The following CDH13 variants were observed in gnomAD, a reference collection of about 807,000 sequenced individuals.
CDH13 encodes the protein cadherin 13.
Under a neutral mutation model 63.8 loss-of-function variants are expected in CDH13, and 24 were observed. The observed-to-expected ratio is 0.38, with a 90% CI of 0.27 to 0.53. The LOEUF is 0.53. Ranked by LOEUF, CDH13 falls within the 20% of genes least tolerant of loss-of-function variation. The pLI, the probability that CDH13 is intolerant of heterozygous loss-of-function variation, is 0.85. For synonymous variants in CDH13, 503 were observed against 355.3 expected, an observed-to-expected ratio of 1.42 and a Z score of -4.67; for missense variants, 1,049 against 903.1, an observed-to-expected ratio of 1.16 and a Z score of -2.07.
At chr16:83,457,148 G>A (rs939325517) in intron 6 of CDH13, among the ~76,000 whole-genome samples, 2 of 152,172 alleles carry the variant, frequency 1.3e-5, no homozygotes, top group African/African-American at 4.8e-5. Flanking sequence ...CCACGTCCCT[G>A]GTATGACCTT....
chr16:83,457,215 G>A (rs566041823), intron 6 of CDH13, among the ~76,000 whole-genome samples: 29 of 152,256 alleles, frequency 1.9e-4, no homozygotes, highest in African/African-American at 6.3e-4. Context: ...GACACCTTAC[G>A]GTTGTTTTGG....
chr16:83,603,688 G>C (rs1398767039), intron 8 of CDH13, among the ~76,000 whole-genome samples: 1 of 152,128 alleles, frequency 6.6e-6, no homozygotes, highest in Non-Finnish European at 1.5e-5. Flanking sequence ...ACCCAGGGTG[G>C]CTTGAGACAG....
chr16:82,641,092 T>C (rs1909339347), intron 1 of CDH13, among the ~76,000 whole-genome samples: 1 of 152,186 alleles, frequency 6.6e-6, no homozygotes. Context: ...GTCACAGTCA[T>C]GGGAAACTGG....
At chr16:82,934,535 C>G (rs1567674729) in intron 2 of CDH13, among the ~76,000 whole-genome samples, 1 of 152,330 alleles carries the variant, frequency 6.6e-6, no homozygotes, top group East Asian at 1.9e-4. Flanking sequence ...CTCCTTGTTA[C>G]TTATGCAAAT....
intron 10 of CDH13, among the ~76,000 whole-genome samples, chr16:83,683,817 G>C (rs1904277668): frequency 6.6e-6 from 1 of 152,068 alleles, no homozygotes; most frequent in African/African-American, 2.4e-5. Flanking sequence ...TTTATGTCTA[G>C]GCAGTCAAAT....
chr16:83,215,449 T>C (rs1020648437), intron 4 of CDH13, among the ~76,000 whole-genome samples: 2 of 151,994 alleles, frequency 1.3e-5, no homozygotes, highest in Non-Finnish European at 2.9e-5. Context: ...ACATATGTAA[T>C]TGGTGTTTAG....
At chr16:83,733,612 T>C (rs920150666) in intron 10 of CDH13, among the ~76,000 whole-genome samples, 7 of 152,186 alleles carry the variant, frequency 4.6e-5, no homozygotes, top group African/African-American at 1.7e-4. Flanking sequence ...TTCTTGAAAG[T>C]GGCAATATCC....
chr16:82,634,113 G>A (rs1467651653), intron 1 of CDH13, among the ~76,000 whole-genome samples: 1 of 152,238 alleles, frequency 6.6e-6, no homozygotes, highest in East Asian at 1.9e-4. Flanking sequence ...GCTGAACGCA[G>A]CCCGGGCTGG....
intron 2 of CDH13, among the ~76,000 whole-genome samples, chr16:82,946,207 G>C (rs1203999670): frequency 1.3e-5 from 2 of 151,638 alleles, no homozygotes; most frequent in African/African-American, 2.4e-5. Flanking sequence ...TGGATGGATG[G>C]ATACATGGAT....
At chr16:83,210,963 C>G (rs571731426) in intron 4 of CDH13, among the ~76,000 whole-genome samples, 1 of 151,708 alleles carries the variant, frequency 6.6e-6, no homozygotes, top group African/African-American at 2.4e-5. Context: ...TCCTGGCTAA[C>G]ACAGTGAAAC....
At chr16:83,494,931 A>G (rs375041305) in intron 7 of CDH13, among the ~76,000 whole-genome samples, 12 of 152,354 alleles carry the variant, frequency 7.9e-5, no homozygotes, top group African/African-American at 2.6e-4. Context: ...GTCACATTCA[A>G]CAATGAAAGG....
chr16:83,279,016 T>A (rs1020117482), intron 5 of CDH13, among the ~76,000 whole-genome samples: 1 of 152,210 alleles, frequency 6.6e-6, no homozygotes, highest in African/African-American at 2.4e-5. Context: ...TTTTATTTAT[T>A]TATTTTTTAT....
At chr16:83,332,378 G>A (rs1325210325) in intron 5 of CDH13, among the ~76,000 whole-genome samples, 1 of 151,766 alleles carries the variant, frequency 6.6e-6, no homozygotes. Flanking sequence ...CTTTAAATTT[G>A]TATGTATCAA....
intron 7 of CDH13, among the ~76,000 whole-genome samples, chr16:83,581,582 G>T (rs1262973711): frequency 6.6e-6 from 1 of 152,182 alleles, no homozygotes; most frequent in Non-Finnish European, 1.5e-5. Flanking sequence ...ACTTTGGGAG[G>T]CCAAGGCAGT....
intron 5 of CDH13, among the ~76,000 whole-genome samples, chr16:83,272,143 C>T (rs767857477): frequency 2.0e-5 from 3 of 152,116 alleles, no homozygotes; most frequent in Non-Finnish European, 2.9e-5. Context: ...CAGTCCTCAC[C>T]ACTGGGGATG....
At chr16:83,416,609 C>G (rs529231022) in intron 6 of CDH13, among the ~76,000 whole-genome samples, 1 of 152,316 alleles carries the variant, frequency 6.6e-6, no homozygotes, top group East Asian at 1.9e-4. Context: ...AGAAGTACCA[C>G]TTCAATCTCT....
chr16:83,122,094 G>A (rs1237282892), intron 3 of CDH13, among the ~76,000 whole-genome samples: 2 of 152,124 alleles, frequency 1.3e-5, no homozygotes, highest in African/African-American at 2.4e-5. Flanking sequence ...TGCTTCTGAT[G>A]ATGCAGAAGA....
intron 2 of CDH13, among the ~76,000 whole-genome samples, chr16:82,901,635 A>G (rs531244510): frequency 1.3e-5 from 2 of 152,344 alleles, no homozygotes; most frequent in Admixed American, 6.5e-5. Context: ...AGTAAGGAAT[A>G]AAAGAACCAA....
intron 1 of CDH13, among the ~76,000 whole-genome samples, chr16:82,667,917 C>T (rs866678176): frequency 6.6e-6 from 1 of 152,152 alleles, no homozygotes; most frequent in Non-Finnish European, 1.5e-5. Flanking sequence ...AAGCCTAATA[C>T]AGTTTTTTAG....
Sources: gnomAD v4.1 joint callset for allele counts (sites outside exome capture counted in the v4.1 genomes callset) on GRCh38, gnomAD v4.1.1 for gene constraint, MANE v1.5 for transcripts, NCBI Gene and HGNC (gene_info 2026-07-23, HGNC 2026-07-21) for gene names.